The following EPB41L3 variants were observed in gnomAD, a reference collection of about 807,000 sequenced individuals.
The protein encoded by EPB41L3 is band 4.1-like protein 3.
A neutral mutation model predicts 127.1 loss-of-function variants in EPB41L3; 57 were observed. The ratio of observed to expected loss-of-function variants is 0.45; its 90% confidence interval spans 0.36 to 0.56. The LOEUF (loss-of-function observed/expected upper bound fraction) is 0.56, where lower values mean the gene tolerates loss of function less well. Among genes scored for constraint, EPB41L3 ranks in the 20% least tolerant of loss-of-function variants. EPB41L3 has a pLI of 0.00. For synonymous variants in EPB41L3, 572 were observed against 549.5 expected (o/e 1.04, Z -0.57); for missense variants, 1,273 against 1,372.2 (o/e 0.93, Z 1.14).
chr18:5,483,949 A>G (rs1035700785), intron 2 of EPB41L3, among the ~76,000 whole-genome samples: 6 of 151,504 alleles, frequency 4.0e-5, no homozygotes, highest in African/African-American at 1.2e-4. Flanking sequence ...GAGTTAAACT[A>G]CACACTAGAT....
At chr18:5,500,022 T>A (rs9960603) in intron 1 of EPB41L3, among the ~76,000 whole-genome samples, 1 of 151,822 alleles carries the variant, frequency 6.6e-6, no homozygotes, top group African/African-American at 2.4e-5. Flanking sequence ...CGAGGCTCAA[T>A]AACTCATAAC....
chr18:5,627,970 G>A (rs1292589321), intron 1 of EPB41L3, among the ~76,000 whole-genome samples: 2 of 152,176 alleles, frequency 1.3e-5, no homozygotes, highest in Non-Finnish European at 2.9e-5. Context: ...GATCCAACTG[G>A]GAACTGCCTA....
intron 1 of EPB41L3, among the ~76,000 whole-genome samples, chr18:5,508,447 A>T (rs1300672892): frequency 1.3e-5 from 2 of 152,028 alleles, no homozygotes; most frequent in Non-Finnish European, 2.9e-5. Flanking sequence ...ATTCCTTATC[A>T]CCATGTATCT....
In EPB41L3 at chr18:5,543,972, C is replaced by A; in HGVS notation, c.-71G>T. ...GTGGGGACTAGGCTCGGGCGCGCGT[C>A]CTCGGCGGCGGTGCGCAGGAGACTC... On this transcript the variant is annotated 5_prime_UTR_variant, in exon 1 of 23. Coordinates refer to ENST00000341928, the MANE Select transcript of EPB41L3 (RefSeq NM_012307.5). This position sits in a 1 kb window ranked among gnomAD's most constrained non-coding sequence, Gnocchi z 5.2. 1 of 985,650 alleles carries A rather than the reference C, an allele frequency of 1.0e-6. No homozygotes were observed. The highest frequency in any genetic ancestry group is 1.2e-6 in the Non-Finnish European group (1 of 830,110). The allele number at this position is 985,650 out of a possible 1,614,324, so 61.1% of individuals were successfully genotyped here. A position where few individuals can be genotyped will look rare whatever the true frequency, so the allele number is the denominator to read the frequency against.
intron 8 of EPB41L3, among the ~76,000 whole-genome samples, chr18:5,431,880 T>G (rs1215872117): frequency 6.6e-6 from 1 of 152,186 alleles, no homozygotes; most frequent in Non-Finnish European, 1.5e-5. Flanking sequence ...GAAAACATCT[T>G]TGTTATCTGA....
intron 16 of EPB41L3, chr18:5,398,942 C>G: frequency 2.5e-6 from 1 of 399,142 alleles, no homozygotes; most frequent in Non-Finnish European, 4.4e-6. Context: ...CGGACAATTT[C>G]CGCTGTGTCG....
chr18:5,610,192 T>C (rs2094709693), intron 3 of EPB41L3: 1 of 985,392 alleles, frequency 1.0e-6, no homozygotes, highest in Non-Finnish European at 1.2e-6. Flanking sequence ...TTCCAGATGA[T>C]TGGCAGGTCC....
upstream of EPB41L3, among the ~76,000 whole-genome samples, chr18:5,545,464 G>T (rs1364709207): frequency 6.6e-6 from 1 of 152,134 alleles, no homozygotes; most frequent in East Asian, 1.9e-4. Context: ...GATGGTATTT[G>T]ATTTCCTTGG....
At chr18:5,430,724 C>T (rs529391007) in intron 8 of EPB41L3, among the ~76,000 whole-genome samples, 2 of 151,042 alleles carry the variant, frequency 1.3e-5, no homozygotes, top group Admixed American at 6.6e-5. Context: ...CCACCACACT[C>T]GACATTTTTT....
At chr18:5,428,121 T>G (rs745621708) in intron 9 of EPB41L3, among the ~76,000 whole-genome samples, 192 bp downstream of exon 9, 1 of 152,180 alleles carries the variant, frequency 6.6e-6, no homozygotes, top group Non-Finnish European at 1.5e-5. Flanking sequence ...GTAGGAAATA[T>G]TGGAACAATA....
At chr18:5,603,936 T>C (rs1476576514) in intron 3 of EPB41L3, among the ~76,000 whole-genome samples, 2 of 152,152 alleles carry the variant, frequency 1.3e-5, no homozygotes, top group Admixed American at 1.3e-4. Context: ...TAACATTTCC[T>C]GGAAGGGTCA....
At chr18:5,417,428 AG>A (rs1378553871) in intron 12 of EPB41L3, among the ~76,000 whole-genome samples, 3 of 152,046 alleles carry the variant, frequency 2.0e-5, no homozygotes, top group African/African-American at 7.2e-5. Context: ...CAAGAAGGGG[AG>A]GAAGGAAAGC....
At chr18:5,488,429 G>C (rs2148264058) in intron 2 of EPB41L3, among the ~76,000 whole-genome samples, 1 of 152,146 alleles carries the variant, frequency 6.6e-6, no homozygotes, top group South Asian at 2.1e-4. Flanking sequence ...TGGGGGGCTA[G>C]GGGAGGGATA....
chr18:5,395,721 G>A lies in EPB41L3; in HGVS notation c.2974-14C>T, dbSNP rs1295967095. Reference sequence around the variant, plus strand: ...GCCTGGATCGACCTAAAGCAGCAGAGGCATAGACCCCTCATCCAGGTGCTC... The same window carrying A: ...GCCTGGATCGACCTAAAGCAGCAGAAGCATAGACCCCTCATCCAGGTGCTC... On this transcript the variant is annotated splice_polypyrimidine_tract_variant and intron_variant, in intron 19 of 22. Coordinates refer to ENST00000341928, the MANE Select transcript of EPB41L3 (RefSeq NM_012307.5). The A allele has an allele frequency of 6.2e-7, 1 of 1,608,664 alleles. No homozygotes were observed. Among genetic ancestry groups the A allele is most frequent in the Non-Finnish European group, 8.5e-7 (1 of 1,175,262 alleles).
At chr18:5,426,270 G>A (rs1355947430) in intron 9 of EPB41L3, among the ~76,000 whole-genome samples, 1 of 152,156 alleles carries the variant, frequency 6.6e-6, no homozygotes, top group Non-Finnish European at 1.5e-5. Flanking sequence ...GTTTCAAAGG[G>A]ATTTCAGTTG....
intron 3 of EPB41L3, among the ~76,000 whole-genome samples, chr18:5,609,368 T>C (rs965040922): frequency 4.6e-5 from 7 of 152,210 alleles, no homozygotes; most frequent in Admixed American, 6.5e-5. Context: ...TAGAAAAATA[T>C]GTATTGAAAA....
At chr18:5,399,044 T>A in intron 16 of EPB41L3, 1 of 399,144 alleles carries the variant, frequency 2.5e-6, no homozygotes, top group Non-Finnish European at 4.4e-6. Context: ...TCATGGACTC[T>A]GGTATTTCTT....
upstream of EPB41L3, among the ~76,000 whole-genome samples, chr18:5,544,994 A>G (rs2093851710): frequency 6.6e-6 from 1 of 151,890 alleles, no homozygotes; most frequent in Admixed American, 6.5e-5. Context: ...TATTTAAGGC[A>G]TACAACATAA....
At chr18:5,583,649 A>T (rs1207486576) in intron 3 of EPB41L3, among the ~76,000 whole-genome samples, 1 of 152,216 alleles carries the variant, frequency 6.6e-6, no homozygotes, top group African/African-American at 2.4e-5. Flanking sequence ...AAAATGATTC[A>T]TATATTTAAT....
Sources: allele counts gnomAD v4.1 joint callset (sites outside exome capture counted in the v4.1 genomes callset), GRCh38; gene constraint gnomAD v4.1.1; non-coding constraint Gnocchi (gnomAD v3.1); transcripts MANE v1.5; gene names NCBI Gene and HGNC (gene_info 2026-07-23, HGNC 2026-07-21).